BBS9: variants seen among roughly 807,000 people sequenced by gnomAD.
BBS9 encodes Bardet-Biedl syndrome 9, also known as protein PTHB1.
Under a neutral mutation model 117.7 loss-of-function variants are expected in BBS9, and 89 were observed. That is an observed-to-expected ratio of 0.76 (90% CI 0.64 to 0.90). The LOEUF (loss-of-function observed/expected upper bound fraction) is 0.90. Ranked by LOEUF, BBS9 falls within the 40% of genes least tolerant of loss-of-function variation. The pLI is 0.00. For missense variants in BBS9, 982 were observed against 1,042.2 expected, an observed-to-expected ratio of 0.94 and a Z score of 0.80; for synonymous variants, 379 against 370.9, an observed-to-expected ratio of 1.02 and a Z score of -0.25.
chr7:33,266,206 G>A (rs545351968), intron 7 of BBS9, among the ~76,000 whole-genome samples: 2 of 152,254 alleles, frequency 1.3e-5, no homozygotes, highest in South Asian at 2.1e-4. Flanking sequence ...TTTTCCATTC[G>A]ATTAGTGAAT....
At chr7:33,175,248 G>A (rs1422174210) in intron 4 of BBS9, among the ~76,000 whole-genome samples, 1 of 151,832 alleles carries the variant, frequency 6.6e-6, no homozygotes, top group Non-Finnish European at 1.5e-5. Context: ...AGCAGTGAGT[G>A]GAAATTGTGC....
chr7:33,503,714 C>A (rs2129013814), intron 19 of BBS9, among the ~76,000 whole-genome samples: 1 of 151,774 alleles, frequency 6.6e-6, no homozygotes, highest in African/African-American at 2.4e-5. Context: ...TGTGATGGCC[C>A]CACAATGAGG....
chr7:33,413,348 C>G (rs1229220587), intron 19 of BBS9, among the ~76,000 whole-genome samples: 1 of 152,000 alleles, frequency 6.6e-6, no homozygotes, highest in Non-Finnish European at 1.5e-5. Flanking sequence ...TTTGACTATT[C>G]TTTTTAAATA....
In BBS9 at chr7:33,257,184, A is replaced by G. The variant is rs967116605; in HGVS notation, c.443-52A>G. The G allele has an allele frequency of 1.0e-4, 126 of 1,256,758 alleles. 1 individual carries two copies. In the South Asian group the frequency reaches 1.8e-3, roughly 18 times the overall value. The allele number at this position is 1,256,758 out of a possible 1,614,324, so 77.9% of individuals were successfully genotyped here. A position where few individuals can be genotyped will look rare whatever the true frequency, so the allele number is the denominator to read the frequency against. On this transcript the variant is annotated intron_variant, in intron 5 of 22. Coordinates refer to ENST00000242067, the MANE Select transcript of BBS9 (RefSeq NM_198428.3). ...GTTGTAGATAGTGATTAATAAAAAT[A>G]TTATATTTATAAAAAGAATAGATTA...
intron 5 of BBS9, among the ~76,000 whole-genome samples, chr7:33,201,868 T>C (rs1168746156): frequency 1.3e-5 from 2 of 152,198 alleles, no homozygotes; most frequent in African/African-American, 4.8e-5. Flanking sequence ...GAATATGTGA[T>C]TGGCTTTCTC....
chr7:33,367,742 G>A, intron 16 of BBS9, 25 bp from the exon 17 acceptor site: 1 of 1,606,648 alleles, frequency 6.2e-7, no homozygotes, highest in Non-Finnish European at 8.5e-7. Flanking sequence ...GGTTACATAA[G>A]GTGATTTCTC....
intron 19 of BBS9, among the ~76,000 whole-genome samples, chr7:33,412,859 T>G (rs749920091): frequency 1.1e-4 from 17 of 152,230 alleles, no homozygotes; most frequent in Non-Finnish European, 2.4e-4. Context: ...CATTATAAAG[T>G]ACTTCATCTT....
At chr7:33,560,616 C>T (rs2129112056) in intron 21 of BBS9, among the ~76,000 whole-genome samples, 1 of 152,240 alleles carries the variant, frequency 6.6e-6, no homozygotes, top group South Asian at 2.1e-4. Flanking sequence ...GTGGATGTAC[C>T]AAGGAGATGG....
chr7:33,565,844 T>TATGTA (rs5883407), intron 21 of BBS9, among the ~76,000 whole-genome samples: 6 of 80,046 alleles, frequency 7.5e-5, no homozygotes, highest in African/African-American at 3.1e-4. Context: ...TATATACTGC[T>TATGTA]TATATATATA....
At chr7:33,298,354 T>C (rs1466542879) in intron 9 of BBS9, among the ~76,000 whole-genome samples, 8 of 152,148 alleles carry the variant, frequency 5.3e-5, no homozygotes, top group Non-Finnish European at 1.2e-4. Context: ...GGTTTAATAA[T>C]AATATCTGCT....
At chr7:33,383,088 C>T (rs1229606775) in intron 17 of BBS9, among the ~76,000 whole-genome samples, 3 of 152,062 alleles carry the variant, frequency 2.0e-5, no homozygotes, top group African/African-American at 4.8e-5. Context: ...AGAAATTGGT[C>T]ATCTTGGAGT....
At chr7:33,518,629 C>T (rs76507121) in intron 20 of BBS9, among the ~76,000 whole-genome samples, 3 of 152,150 alleles carry the variant, frequency 2.0e-5, no homozygotes, top group East Asian at 3.9e-4. Context: ...AAGAAAAAAA[C>T]CCCCCATAGT....
At position 33,349,063 on chromosome 7, in the gene BBS9, C is replaced by A; in HGVS notation, c.1330-5C>A. 1 of 1,581,380 alleles carries A rather than the reference C, an allele frequency of 6.3e-7. No homozygotes were observed. The highest frequency in any genetic ancestry group is 8.7e-7 in the Non-Finnish European group (1 of 1,150,838). ...TTCTATTGATAACAATTTCTGTTTC[C>A]TTAGGTCACACTGCAGAACAGAGTG... On this transcript the variant is annotated splice_region_variant and splice_polypyrimidine_tract_variant and intron_variant, in intron 12 of 22. Coordinates refer to ENST00000242067, the MANE Select transcript of BBS9 (RefSeq NM_198428.3).
intron 18 of BBS9, among the ~76,000 whole-genome samples, chr7:33,386,123 A>C (rs1285088720): frequency 6.6e-6 from 1 of 152,202 alleles, no homozygotes; most frequent in African/African-American, 2.4e-5. Context: ...TAGAAATTAA[A>C]GTATAATAAA....
chr7:33,211,638 A>G (rs1267100385), intron 5 of BBS9, among the ~76,000 whole-genome samples: 2 of 152,186 alleles, frequency 1.3e-5, no homozygotes, highest in African/African-American at 2.4e-5. Context: ...TTTACCCATC[A>G]TGACTATGGT....
intron 20 of BBS9, among the ~76,000 whole-genome samples, chr7:33,528,527 T>C (rs557281039): frequency 9.9e-5 from 15 of 152,214 alleles, no homozygotes; most frequent in Non-Finnish European, 1.9e-4. Flanking sequence ...TTAAGGATAT[T>C]ACTTGGAAAT....
At chr7:33,580,116 C>T (rs1388261373) in intron 21 of BBS9, among the ~76,000 whole-genome samples, 1 of 151,638 alleles carries the variant, frequency 6.6e-6, no homozygotes, top group Non-Finnish European at 1.5e-5. Context: ...ACTTATTACC[C>T]CCCTACTTTA....
At chr7:33,614,091 C>T (rs1000258671) in intron 21 of BBS9, among the ~76,000 whole-genome samples, 1 of 152,070 alleles carries the variant, frequency 6.6e-6, no homozygotes, top group Non-Finnish European at 1.5e-5. Flanking sequence ...AGAGGTCAGC[C>T]TGTGCCAAAC....
chr7:33,295,587 CA>C (rs1562952726), intron 9 of BBS9, among the ~76,000 whole-genome samples: 1 of 151,232 alleles, frequency 6.6e-6, no homozygotes, highest in Admixed American at 6.6e-5. Context: ...TTGTGGAATT[CA>C]AAAAAACACA....
Sources: gnomAD v4.1 joint callset for allele counts (sites outside exome capture counted in the v4.1 genomes callset) on GRCh38, gnomAD v4.1.1 for gene constraint, MANE v1.5 for transcripts, NCBI Gene and HGNC (gene_info 2026-07-23, HGNC 2026-07-21) for gene names.